UTS2: variants seen among roughly 807,000 people sequenced by gnomAD.
The protein encoded by UTS2 is urotensin 2.
A neutral mutation model predicts 12.6 loss-of-function variants in UTS2; 10 were observed. The observed-to-expected ratio is 0.80, with a 90% CI of 0.49 to 1.35. The LOEUF is 1.35. Among genes scored for constraint, UTS2 ranks in the 40% most tolerant of loss-of-function variants. The pLI is 0.00. For missense variants in UTS2, 142 were observed against 143.2 expected, an observed-to-expected ratio of 0.99 and a Z score of 0.04; for synonymous variants, 52 against 50.0, an observed-to-expected ratio of 1.04 and a Z score of -0.17.
the UTS2 span, among the ~76,000 whole-genome samples, chr1:7,908,248 A>G: frequency 1.3e-5 from 2 of 151,044 alleles, no homozygotes; most frequent in African/African-American, 2.4e-5. Flanking sequence ...CAGTGAGCCA[A>G]GATCACACCA....
At chr1:7,886,545 G>T in the UTS2 span, among the ~76,000 whole-genome samples, 18 of 152,260 alleles carry the variant, frequency 1.2e-4, no homozygotes, top group South Asian at 3.3e-3. Context: ...GGTTCTGCCA[G>T]GTGGAAGTGA....
the UTS2 span, among the ~76,000 whole-genome samples, chr1:7,906,511 A>AAAGAAAG: frequency 2.1e-5 from 1 of 47,762 alleles, no homozygotes; most frequent in East Asian, 8.7e-4. Flanking sequence ...AAGAAAGAAA[A>AAAGAAAG]GAGGGAGGGA....
At chr1:7,872,615 C>T in the UTS2 span, among the ~76,000 whole-genome samples, 158 of 152,298 alleles carry the variant, frequency 1.0e-3, 1 homozygote, top group Non-Finnish European at 2.1e-3. Flanking sequence ...CTCTTCAACT[C>T]TGCGAAGGCT....
At chr1:7,881,156 A>C in the UTS2 span, among the ~76,000 whole-genome samples, 1 of 152,230 alleles carries the variant, frequency 6.6e-6, no homozygotes, top group African/African-American at 2.4e-5. Flanking sequence ...AATAAAGGCC[A>C]CGTATAACAA....
the UTS2 span, among the ~76,000 whole-genome samples, chr1:7,894,311 T>C: frequency 9.2e-5 from 14 of 152,028 alleles, no homozygotes; most frequent in East Asian, 2.7e-3. Context: ...TCCTCCCAAG[T>C]AGCAGGCCCC....
At chr1:7,863,535 A>G in the UTS2 span, among the ~76,000 whole-genome samples, 7 of 152,304 alleles carry the variant, frequency 4.6e-5, no homozygotes, top group African/African-American at 1.2e-4. Context: ...CGGGGTTACT[A>G]TGAAAGCAGA....
the UTS2 span, among the ~76,000 whole-genome samples, chr1:7,904,383 G>A: frequency 2.0e-5 from 3 of 151,850 alleles, no homozygotes; most frequent in Non-Finnish European, 4.4e-5. Context: ...AGGCTGAGGT[G>A]GGAGAATCTC....
chr1:7,908,646 G>C, the UTS2 span, among the ~76,000 whole-genome samples: 1 of 151,832 alleles, frequency 6.6e-6, no homozygotes, highest in Non-Finnish European at 1.5e-5. Flanking sequence ...TCATTGATTG[G>C]TATGTAAATT....
At chr1:7,896,259 G>GGA in the UTS2 span, among the ~76,000 whole-genome samples, 1 of 139,214 alleles carries the variant, frequency 7.2e-6, no homozygotes, top group Admixed American at 7.2e-5. Flanking sequence ...GTTTATCCAT[G>GGA]AAAAAAAAAA....
chr1:7,848,397 C>T (rs2151381568), intron 3 of UTS2, among the ~76,000 whole-genome samples: 1 of 152,144 alleles, frequency 6.6e-6, no homozygotes, highest in African/African-American at 2.4e-5. Flanking sequence ...CAAGATCACA[C>T]CACTGCACTC....
At chr1:7,873,792 G>A in the UTS2 span, among the ~76,000 whole-genome samples, 5 of 152,178 alleles carry the variant, frequency 3.3e-5, no homozygotes, top group Non-Finnish European at 7.3e-5. Flanking sequence ...AGCATTGGCA[G>A]GGTTTGAAAG....
the UTS2 span, among the ~76,000 whole-genome samples, chr1:7,880,352 C>T: frequency 2.3e-4 from 31 of 135,550 alleles, no homozygotes; most frequent in Non-Finnish European, 4.6e-4. Context: ...TCAAAAAAGC[C>T]GAAATGTGAC....
the UTS2 span, among the ~76,000 whole-genome samples, chr1:7,871,721 T>C: frequency 6.6e-6 from 1 of 152,218 alleles, no homozygotes; most frequent in East Asian, 1.9e-4. Flanking sequence ...CTTATTATTA[T>C]ATCGCTGAGG....
upstream of UTS2, among the ~76,000 whole-genome samples, chr1:7,854,048 A>G (rs564612310): frequency 3.3e-5 from 5 of 152,268 alleles, no homozygotes; most frequent in African/African-American, 1.2e-4. Flanking sequence ...TGGGCAACAT[A>G]GAGAAACACT....
upstream of UTS2, chr1:7,853,460 A>C: frequency 1.2e-6 from 2 of 1,607,126 alleles, no homozygotes; most frequent in South Asian, 1.1e-5. Context: ...TGAGTAGATG[A>C]GTTGCCATGC....
At chr1:7,905,653 T>A in the UTS2 span, among the ~76,000 whole-genome samples, 1 of 152,178 alleles carries the variant, frequency 6.6e-6, no homozygotes, top group Admixed American at 6.5e-5. Context: ...AGGGGAATTC[T>A]GCTTCTAGAT....
At chr1:7,883,495 T>C in the UTS2 span, among the ~76,000 whole-genome samples, 5 of 152,096 alleles carry the variant, frequency 3.3e-5, no homozygotes, top group African/African-American at 1.2e-4. Flanking sequence ...ACATTACATG[T>C]TAACAACAAC....
the UTS2 span, among the ~76,000 whole-genome samples, chr1:7,890,157 C>G: frequency 1.3e-5 from 2 of 151,750 alleles, no homozygotes; most frequent in East Asian, 3.9e-4. Flanking sequence ...CTTTTAAGCT[C>G]TCTTTAAAAA....
At chr1:7,875,043 CT>C in the UTS2 span, among the ~76,000 whole-genome samples, 1 of 118,810 alleles carries the variant, frequency 8.4e-6, no homozygotes, top group East Asian at 2.5e-4. Flanking sequence ...TCGGGTATTT[CT>C]TTTTTTCTTT....
Sources: gnomAD v4.1 joint callset for allele counts (sites outside exome capture counted in the v4.1 genomes callset) on GRCh38, gnomAD v4.1.1 for gene constraint, MANE v1.5 for transcripts, NCBI Gene and HGNC (gene_info 2026-07-23, HGNC 2026-07-21) for gene names.